BBS9: variants seen among roughly 807,000 people sequenced by gnomAD.
BBS9 encodes the protein Bardet-Biedl syndrome 9.
BBS9 carries 89 observed loss-of-function variants against 117.7 expected under a neutral mutation model. That is an observed-to-expected ratio of 0.76 (90% CI 0.64 to 0.90). The LOEUF (loss-of-function observed/expected upper bound fraction) is 0.90. BBS9 is among the 40% of genes least tolerant of loss of function. The pLI, the probability that BBS9 is intolerant of heterozygous loss-of-function variation, is 0.00. For missense variants in BBS9, 982 were observed against 1,042.2 expected, an observed-to-expected ratio of 0.94 and a Z score of 0.80; for synonymous variants, 379 against 370.9, an observed-to-expected ratio of 1.02 and a Z score of -0.25.
chr7:33,165,345 A>C lies in BBS9; in HGVS notation c.328+9643A>C, dbSNP rs181867211. ...TCTTGAGGAGTGTCTTTGTGGCATT[A>C]TCTGTATTTCCTGAATTTGAATGTT... On this transcript the variant is annotated intron_variant, in intron 4 of 22. Coordinates refer to ENST00000242067, the MANE Select transcript of BBS9 (RefSeq NM_198428.3). Among the ~76,000 whole-genome samples the C allele has an allele frequency of 3.3e-5, 5 of 152,140 alleles. No individual in the cohort carries two copies. The East Asian group carries it at 7.7e-4, about 24-fold the overall frequency.
At chr7:33,204,668 A>T (rs1264715673) in intron 5 of BBS9, among the ~76,000 whole-genome samples, 1 of 152,188 alleles carries the variant, frequency 6.6e-6, no homozygotes, top group African/African-American at 2.4e-5. Context: ...CCAATCAGTT[A>T]CCTTATTGTC....
chr7:33,386,401 G>T (rs1826008191), intron 18 of BBS9, among the ~76,000 whole-genome samples: 1 of 151,906 alleles, frequency 6.6e-6, no homozygotes, highest in Non-Finnish European at 1.5e-5. Flanking sequence ...TGATTCACAT[G>T]ACCTAATCTT....
At chr7:33,204,444 T>G (rs1168070828) in intron 5 of BBS9, among the ~76,000 whole-genome samples, 1 of 149,572 alleles carries the variant, frequency 6.7e-6, no homozygotes, top group African/African-American at 2.5e-5. Flanking sequence ...AAGGGATCAC[T>G]GATAGAAGTG....
intron 2 of BBS9, among the ~76,000 whole-genome samples, chr7:33,152,322 G>A (rs1171831780): frequency 1.3e-5 from 2 of 151,972 alleles, no homozygotes; most frequent in Non-Finnish European, 2.9e-5. Flanking sequence ...TTAATACAGT[G>A]TTTTCGACAG....
At position 33,317,739 on chromosome 7, in the gene BBS9, A is replaced by T. The variant is rs531504614; in HGVS notation, c.1017-18702A>T. The stretch of plus-strand genomic sequence containing the variant: ...ATCTTTGTCAAAGATGAATCTGATC[A>T]TGTCACTCCTGTACTTAAAACCCTT... On this transcript the variant is annotated intron_variant, in intron 9 of 22. Transcript: ENST00000242067. 4.6e-5 allele frequency among the ~76,000 whole-genome samples: 7 copies of T among 152,312 alleles called. No individual in the cohort carries two copies. In the South Asian group the frequency reaches 1.2e-3, roughly 27 times the overall value.
chr7:33,325,949 T>C (rs1489747822), intron 9 of BBS9, among the ~76,000 whole-genome samples: 2 of 152,182 alleles, frequency 1.3e-5, no homozygotes, highest in South Asian at 4.1e-4. Context: ...GAATCCAGAA[T>C]GTACTGGGTC....
chr7:33,529,681 C>T (rs1005557453), intron 20 of BBS9, among the ~76,000 whole-genome samples: 1 of 148,714 alleles, frequency 6.7e-6, no homozygotes, highest in Non-Finnish European at 1.5e-5. Flanking sequence ...AAAAGCCATA[C>T]ACAGGTCAAC....
chr7:33,457,052 G>A (rs1464394307), intron 19 of BBS9, among the ~76,000 whole-genome samples: 1 of 152,130 alleles, frequency 6.6e-6, no homozygotes, highest in East Asian at 1.9e-4. Flanking sequence ...CCCTAAGAGG[G>A]GGCCATACGT....
At chr7:33,545,645 A>C (rs1034612093) in intron 21 of BBS9, among the ~76,000 whole-genome samples, 1 of 151,938 alleles carries the variant, frequency 6.6e-6, no homozygotes, top group African/African-American at 2.4e-5. Flanking sequence ...AAAATTCACA[A>C]TGCAAGCCTC....
Position 33,352,876 on chromosome 7 carries a change from A to G in BBS9, c.1552+3A>G. 6.2e-7 allele frequency: 1 copy of G among 1,611,814 alleles called. No homozygotes were observed. Among genetic ancestry groups the G allele is most frequent in the Non-Finnish European group, 8.5e-7 (1 of 1,178,120 alleles). ...ATGGACAGATCGAAATCCTGATGGTAAGTGTAAAGATAATTTAGAAAAAAA... is the reference window on the plus strand; with the variant it reads ...ATGGACAGATCGAAATCCTGATGGTGAGTGTAAAGATAATTTAGAAAAAAA... On this transcript the variant is annotated splice_donor_region_variant and intron_variant, in intron 15 of 22. Transcript: ENST00000242067.
intron 19 of BBS9, among the ~76,000 whole-genome samples, chr7:33,479,698 G>T (rs1200798842): frequency 2.6e-5 from 4 of 152,198 alleles, no homozygotes; most frequent in Non-Finnish European, 5.9e-5. Flanking sequence ...CTCCACAGTG[G>T]CTGAACTAAT....
chr7:33,295,785 A>G (rs1805136754), intron 9 of BBS9, among the ~76,000 whole-genome samples: 1 of 152,068 alleles, frequency 6.6e-6, no homozygotes, highest in East Asian at 1.9e-4. Flanking sequence ...CCAGACTGTT[A>G]ACAAAATAGT....
chr7:33,450,967 C>A, intron 19 of BBS9, among the ~76,000 whole-genome samples: 1 of 151,784 alleles, frequency 6.6e-6, no homozygotes, highest in Non-Finnish European at 1.5e-5. Flanking sequence ...CGGCTCACTG[C>A]AAGCTCCGCC....
chr7:33,266,031 A>G (rs1798758518), intron 7 of BBS9, among the ~76,000 whole-genome samples: 2 of 152,176 alleles, frequency 1.3e-5, no homozygotes, highest in South Asian at 2.1e-4. Context: ...CACTTCAGCC[A>G]TATAGGGCCT....
chr7:33,624,967 T>C (rs971351527), intron 21 of BBS9, among the ~76,000 whole-genome samples: 4 of 152,142 alleles, frequency 2.6e-5, no homozygotes, highest in Admixed American at 1.3e-4. Context: ...ACGGCCATAA[T>C]TGTAGTCCTG....
intron 9 of BBS9, among the ~76,000 whole-genome samples, chr7:33,288,809 T>G (rs532620714): frequency 3.9e-5 from 6 of 152,208 alleles, no homozygotes; most frequent in Non-Finnish European, 8.8e-5. Context: ...TATTCTGAAT[T>G]CTTTGGACAT....
At chr7:33,228,509 G>A (rs1791719556) in intron 5 of BBS9, among the ~76,000 whole-genome samples, 3 of 152,014 alleles carry the variant, frequency 2.0e-5, no homozygotes, top group Non-Finnish European at 4.4e-5. Context: ...ACAGTGTGGG[G>A]GTTAGGGATG....
intron 21 of BBS9, among the ~76,000 whole-genome samples, chr7:33,565,505 A>G (rs1368135598): frequency 1.3e-5 from 2 of 152,038 alleles, no homozygotes; most frequent in Non-Finnish European, 2.9e-5. Flanking sequence ...GATGTTATTC[A>G]GTAGTTTATT....
At chr7:33,262,198 A>G (rs968307092) in intron 6 of BBS9, among the ~76,000 whole-genome samples, 22 of 152,146 alleles carry the variant, frequency 1.4e-4, no homozygotes, top group Admixed American at 6.5e-5. Flanking sequence ...ATCAGTAGTC[A>G]ATTTTGGCTG....
Sources: allele counts gnomAD v4.1 joint callset (sites outside exome capture counted in the v4.1 genomes callset), GRCh38; gene constraint gnomAD v4.1.1; transcripts MANE v1.5; gene names NCBI Gene and HGNC (gene_info 2026-07-23, HGNC 2026-07-21).